MIB1: variants seen among roughly 807,000 people sequenced by gnomAD.
The protein encoded by MIB1 is E3 ubiquitin-protein ligase MIB1.
MIB1 carries 278 observed loss-of-function variants against 124.5 expected under a neutral mutation model. That is an observed-to-expected ratio of 2.23 (90% CI 2.02 to 2.47). The LOEUF (loss-of-function observed/expected upper bound fraction) is 2.47. MIB1 is among the 30% of genes most tolerant of loss of function. MIB1 has a pLI of 0.00. For synonymous variants in MIB1, 446 were observed against 429.4 expected, an observed-to-expected ratio of 1.04 and a Z score of -0.48; for missense variants, 957 against 1,254.4, an observed-to-expected ratio of 0.76 and a Z score of 3.58.
At chr18:21,726,314 A>G (rs1051012135) in intron 1 of MIB1, among the ~76,000 whole-genome samples, 1 of 152,086 alleles carries the variant, frequency 6.6e-6, no homozygotes, top group African/African-American at 2.4e-5. Flanking sequence ...ACGCTTTGGG[A>G]GGCTGAGGTG....
At chr18:21,708,778 C>CA (rs2146350875) in intron 1 of MIB1, among the ~76,000 whole-genome samples, 1 of 152,228 alleles carries the variant, frequency 6.6e-6, no homozygotes, top group East Asian at 1.9e-4. Flanking sequence ...ACTGAGGATC[C>CA]AATCATAATA....
At chr18:21,825,511 C>T (rs547489329) in intron 12 of MIB1, 16 of 301,678 alleles carry the variant, frequency 5.3e-5, no homozygotes, top group South Asian at 4.2e-4. Context: ...ATTTGAAATC[C>T]TTAAGTCATC....
chr18:21,789,637 C>G (rs761516212), intron 6 of MIB1, among the ~76,000 whole-genome samples: 2 of 151,894 alleles, frequency 1.3e-5, no homozygotes, highest in African/African-American at 2.4e-5. Context: ...GCCAACGTAG[C>G]GAAACCCTGC....
intron 12 of MIB1, among the ~76,000 whole-genome samples, chr18:21,822,846 T>G (rs1282327455): frequency 6.6e-6 from 1 of 152,140 alleles, no homozygotes; most frequent in East Asian, 1.9e-4. Context: ...ACATTTGTAA[T>G]CCCAGCGACT....
chr18:21,727,545 C>A (rs1477498689), intron 1 of MIB1, among the ~76,000 whole-genome samples: 2 of 152,144 alleles, frequency 1.3e-5, no homozygotes, highest in South Asian at 2.1e-4. Flanking sequence ...TAGTTTGAGA[C>A]CAGCCTGGGC....
At chr18:21,854,430 GATT>G (rs1351285883) in intron 18 of MIB1, among the ~76,000 whole-genome samples, 1 of 152,162 alleles carries the variant, frequency 6.6e-6, no homozygotes, top group Admixed American at 6.5e-5. Flanking sequence ...TGACACGTCA[GATT>G]TGGCCCTCAG....
chr18:21,836,468 T>A (rs1301786321), intron 12 of MIB1, among the ~76,000 whole-genome samples: 1 of 152,094 alleles, frequency 6.6e-6, no homozygotes, highest in Non-Finnish European at 1.5e-5. Context: ...GAAAGAGAAA[T>A]GTCTTCTGCG....
chr18:21,848,965 T>C (rs1350215786), intron 16 of MIB1, among the ~76,000 whole-genome samples: 5 of 152,120 alleles, frequency 3.3e-5, no homozygotes, highest in Admixed American at 2.6e-4. Flanking sequence ...CCCTTTTCCA[T>C]TGGGTGAGTG....
intron 10 of MIB1, among the ~76,000 whole-genome samples, chr18:21,811,666 C>G (rs1315600363): frequency 6.6e-6 from 1 of 151,922 alleles, no homozygotes; most frequent in Non-Finnish European, 1.5e-5. Context: ...ATCATGGGAA[C>G]AAAAAGTGGA....
intron 1 of MIB1, among the ~76,000 whole-genome samples, chr18:21,754,848 C>G (rs2041013014): frequency 6.6e-6 from 1 of 152,216 alleles, no homozygotes; most frequent in Non-Finnish European, 1.5e-5. Flanking sequence ...GAACAGAAAT[C>G]TGTTCCAGTT....
rs1369139871 is a variant in MIB1, at chr18:21,853,133, TC to T, written c.2587-6del. 1 of 1,605,872 alleles carries T rather than the reference TC, an allele frequency of 6.2e-7. No homozygotes were observed. The highest frequency in any genetic ancestry group is 1.3e-5 in the African/African-American group (1 of 74,734). ...TGGTCACTGTGCTGTAACCTCTTTTTCTATAGATTGAAGAATGTGTGGTATG... is the reference window on the plus strand; with the variant it reads ...TGGTCACTGTGCTGTAACCTCTTTTTTATAGATTGAAGAATGTGTGGTATG... On this transcript the variant is annotated splice_region_variant and splice_polypyrimidine_tract_variant and intron_variant, in intron 17 of 20. Transcript: ENST00000261537.
intron 9 of MIB1, among the ~76,000 whole-genome samples, chr18:21,800,787 T>TGTTA (rs1421249194): frequency 6.6e-6 from 1 of 152,140 alleles, no homozygotes; most frequent in African/African-American, 2.4e-5. Context: ...AAGCTCGACA[T>TGTTA]GTTAGCTTTA....
intron 18 of MIB1, chr18:21,855,083 T>G (rs2042215031): frequency 1.3e-5 from 2 of 152,262 alleles, no homozygotes; most frequent in African/African-American, 4.8e-5. Flanking sequence ...TTTATTGAGC[T>G]CTTAATTCTG....
chr18:21,843,216 G>T lies in MIB1; in HGVS notation c.2048G>T (p.Arg683Met), dbSNP rs2042107463. The change falls in exon 14 of 21, where the codon AGG (arginine) becomes ATG (methionine). Residue 683 changes from arginine (R) to methionine (M), a missense_variant and splice_region_variant. By Grantham distance (91) the Arg-to-Met change is moderately conservative. Transcript: ENST00000261537. ...AVERQHTQIV[R>M]LLVRAGAKLD... ...GAACGACAGCATACCCAGATTGTTA[G>T]GGTAAAGTATTGACATACATTTTAG... 6.3e-7 allele frequency: 1 copy of T among 1,576,854 alleles called. No individual in the cohort carries two copies. Among genetic ancestry groups the T allele is most frequent in the Non-Finnish European group, 8.6e-7 (1 of 1,165,762 alleles).
intron 3 of MIB1, among the ~76,000 whole-genome samples, chr18:21,772,336 A>G (rs985542128): frequency 6.6e-6 from 1 of 152,246 alleles, no homozygotes; most frequent in African/African-American, 2.4e-5. Flanking sequence ...GCATGTGTGC[A>G]GCTTCCCACT....
rs144965056 is a variant in MIB1, at chr18:21,835,840, A to AACACACACACACACAAACAC, written c.1830-2517_1830-2516insACACACAAACACACACACAC. On this transcript the variant is annotated intron_variant, in intron 12 of 20. Coordinates refer to ENST00000261537, the MANE Select transcript of MIB1 (RefSeq NM_020774.4). ...ACACACACACACACACACACACACAAACACACACGAGGAGTATTGGGAAAG... is the reference window on the plus strand; with the variant it reads ...ACACACACACACACACACACACACAAACACACACACACACAAACACACACACACGAGGAGTATTGGGAAAG... 7.4e-5 allele frequency among the ~76,000 whole-genome samples: 8 copies of AACACACACACACACAAACAC among 108,056 alleles called. 1 individual carries two copies. In the Admixed American group the frequency reaches 9.3e-4, roughly 13 times the overall value. The allele number at this position is 108,056 out of a possible 152,430, so 70.9% of individuals were successfully genotyped here. A position where few individuals can be genotyped will look rare whatever the true frequency, so the allele number is the denominator to read the frequency against.
chr18:21,853,983 C>T (rs114469059), intron 18 of MIB1, among the ~76,000 whole-genome samples: 1,866 of 142,368 alleles, frequency 0.013, 41 homozygotes, highest in African/African-American at 0.046. Context: ...TCGTGTCCTC[C>T]GCCTAGGCAA....
At chr18:21,779,064 A>C (rs2041326960) in intron 5 of MIB1, among the ~76,000 whole-genome samples, 1 of 152,196 alleles carries the variant, frequency 6.6e-6, no homozygotes, top group South Asian at 2.1e-4. Flanking sequence ...TGTTAAAATA[A>C]GATAGTACTA....
intron 1 of MIB1, among the ~76,000 whole-genome samples, chr18:21,751,581 A>C (rs1308917719): frequency 6.6e-6 from 1 of 152,172 alleles, no homozygotes; most frequent in Non-Finnish European, 1.5e-5. Context: ...ATTATTAATA[A>C]TTAATTGGAT....
Sources: gnomAD v4.1 joint callset for allele counts (sites outside exome capture counted in the v4.1 genomes callset) on GRCh38, gnomAD v4.1.1 for gene constraint, MANE v1.5 for transcripts, NCBI Gene and HGNC (gene_info 2026-07-23, HGNC 2026-07-21) for gene names.